FDFT1: variants seen among roughly 807,000 people sequenced by gnomAD.
FDFT1 encodes the protein squalene synthase.
FDFT1 carries 68 observed loss-of-function variants against 46.8 expected under a neutral mutation model. That is an observed-to-expected ratio of 1.45 (90% CI 1.19 to 1.78). The LOEUF (loss-of-function observed/expected upper bound fraction) is 1.78. Among genes scored for constraint, FDFT1 ranks in the 40% most tolerant of loss-of-function variants. The pLI is 0.00. For synonymous variants in FDFT1, 351 were observed against 185.1 expected, an observed-to-expected ratio of 1.90 and a Z score of -7.28; for missense variants, 928 against 524.4, an observed-to-expected ratio of 1.77 and a Z score of -7.52.
At chr8:11,810,229 GA>G (rs1807512920) in intron 3 of FDFT1, among the ~76,000 whole-genome samples, 1 of 152,222 alleles carries the variant, frequency 6.6e-6, no homozygotes. Flanking sequence ...CTTCCTGTGG[GA>G]AGACGCAGTC....
upstream of FDFT1, among the ~76,000 whole-genome samples, chr8:11,801,096 A>C (rs1193767208): frequency 6.6e-6 from 1 of 152,128 alleles, no homozygotes; most frequent in Non-Finnish European, 1.5e-5. Context: ...GTGTGAGCAG[A>C]CTCGAGGGGC....
chr8:11,797,496 T>A (rs1202671621), upstream of FDFT1, among the ~76,000 whole-genome samples: 1 of 147,528 alleles, frequency 6.8e-6, no homozygotes, highest in East Asian at 2.0e-4. Context: ...CCTGCCACAT[T>A]GTAGATGTTC....
chr8:11,835,128 C>T (rs930783452), intron 7 of FDFT1, among the ~76,000 whole-genome samples: 8 of 152,150 alleles, frequency 5.3e-5, no homozygotes, highest in Non-Finnish European at 8.8e-5. Flanking sequence ...CTTTCTCAAA[C>T]CCCTCAAGTA....
chr8:11,818,156 T>C (rs555082656), intron 3 of FDFT1, among the ~76,000 whole-genome samples: 3 of 152,344 alleles, frequency 2.0e-5, no homozygotes, highest in East Asian at 3.9e-4. Context: ...TCAGTTTCCA[T>C]GTAGATGTGT....
Position 11,814,326 on chromosome 8 carries a change from A to G in FDFT1, c.381+4476A>G, listed in dbSNP as rs555034083. ...TTTTTTTTTTTTTTTTTGGAGGGAC[A>G]TGGGGGTATTGACAGTTGATGTTAA... On this transcript the variant is annotated intron_variant, in intron 3 of 7. Coordinates refer to ENST00000220584, the MANE Select transcript of FDFT1 (RefSeq NM_004462.5). Among the ~76,000 whole-genome samples the G allele has an allele frequency of 1.5e-4, 21 of 143,632 alleles. No individual in the cohort carries two copies. The East Asian group carries it at 3.9e-3, about 26-fold the overall frequency. The allele number at this position is 143,632 out of a possible 152,430, so 94.2% of individuals were successfully genotyped here.
In FDFT1 at chr8:11,811,719, G is replaced by A. The variant is rs1055717759; in HGVS notation, c.381+1869G>A. Among the ~76,000 whole-genome samples the A allele has an allele frequency of 4.6e-5, 7 of 152,328 alleles. No homozygotes were observed. In the South Asian group the frequency reaches 6.2e-4, roughly 14 times the overall value. On this transcript the variant is annotated intron_variant, in intron 3 of 7. Transcript: ENST00000220584. ...ATCCTCTTGAAAGCACAGTTGCCCC[G>A]GGAAGAGTAAAAGGGAGCAGAAGGC...
intron 2 of FDFT1, chr8:11,809,464 T>A: frequency 7.7e-7 from 1 of 1,295,394 alleles, no homozygotes; most frequent in Non-Finnish European, 9.8e-7. Flanking sequence ...GGCTTTTTAA[T>A]AAACTACAGA....
upstream of FDFT1, chr8:11,801,819 G>A: frequency 2.6e-6 from 1 of 377,772 alleles, no homozygotes; most frequent in Non-Finnish European, 5.1e-6. Context: ...TCAGCCTCCG[G>A]AGTAGTTGGG....
chr8:11,795,591 C>T (rs980695888), exon 1 of FDFT1: 1 of 129,250 alleles, frequency 7.7e-6, no homozygotes, highest in South Asian at 2.3e-4. Context: ...TGGCAACACG[C>T]TGGGTTTGCT....
At chr8:11,830,810 C>T (rs1810670806) in intron 6 of FDFT1, among the ~76,000 whole-genome samples, 1 of 152,158 alleles carries the variant, frequency 6.6e-6, no homozygotes, top group African/African-American at 2.4e-5. Flanking sequence ...TTTCCTAGAC[C>T]CGGCATAAAA....
intron 7 of FDFT1, 44 bp downstream of exon 7, chr8:11,831,714 A>T (rs372255856): frequency 4.7e-6 from 7 of 1,496,206 alleles, no homozygotes; most frequent in Non-Finnish European, 6.5e-6. Context: ...AGCTACTTTT[A>T]TGATTTAGTA....
chr8:11,810,933 T>TAAAAAAAAAAAAAAAAAAAAAAAAA, intron 3 of FDFT1, among the ~76,000 whole-genome samples: 1 of 89,448 alleles, frequency 1.1e-5, no homozygotes, highest in Non-Finnish European at 2.1e-5. Context: ...GAGCAATATT[T>TAAAAAAAAAAAAAAAAAAAAAAAAA]AAAAAAAAAA....
intron 7 of FDFT1, 52 bp downstream of exon 7, chr8:11,831,722 G>C (rs377445511): frequency 9.3e-6 from 13 of 1,400,102 alleles, no homozygotes; most frequent in Non-Finnish European, 1.2e-5. Flanking sequence ...TTATGATTTA[G>C]TAATGTCACT....
chr8:11,816,007 T>C (rs1381007265), intron 3 of FDFT1, among the ~76,000 whole-genome samples: 6 of 152,178 alleles, frequency 3.9e-5, no homozygotes, highest in Non-Finnish European at 7.4e-5. Context: ...TTAGGCCTTA[T>C]ATTTAAGCCT....
intron 2 of FDFT1, chr8:11,809,120 T>A (rs1032688509): frequency 4.6e-6 from 6 of 1,296,768 alleles, no homozygotes; most frequent in Non-Finnish European, 5.9e-6. Context: ...GGGGAGGGGG[T>A]GATGTTTATT....
chr8:11,813,856 G>A (rs983033460), intron 3 of FDFT1, among the ~76,000 whole-genome samples: 2 of 152,284 alleles, frequency 1.3e-5, no homozygotes, highest in Admixed American at 6.5e-5. Context: ...GGTCGTATCC[G>A]GGGAACATAT....
upstream of FDFT1, chr8:11,801,980 C>A (rs1410971228): frequency 1.3e-5 from 6 of 455,900 alleles, 1 homozygote; most frequent in South Asian, 9.3e-5. Flanking sequence ...TGAGCCACCA[C>A]GCCTGGACGG....
upstream of FDFT1, among the ~76,000 whole-genome samples, chr8:11,799,779 C>T (rs957028225): frequency 6.6e-6 from 1 of 151,902 alleles, no homozygotes; most frequent in African/African-American, 2.4e-5. Context: ...AACCCTGTCT[C>T]AACTAAAAAT....
chr8:11,823,011 G>A (rs1051844753), intron 4 of FDFT1, among the ~76,000 whole-genome samples: 1 of 152,130 alleles, frequency 6.6e-6, no homozygotes, highest in Non-Finnish European at 1.5e-5. Context: ...CTGGTGTGTA[G>A]TGGTGTGATC....
Sources: gnomAD v4.1 joint callset for allele counts (sites outside exome capture counted in the v4.1 genomes callset) on GRCh38, gnomAD v4.1.1 for gene constraint, MANE v1.5 for transcripts, NCBI Gene and HGNC (gene_info 2026-07-23, HGNC 2026-07-21) for gene names.